Variants in RFTN2 observed in about 807,000 individuals in gnomAD.
RFTN2 encodes the protein raftlin family member 2.
RFTN2 carries 34 observed loss-of-function variants against 52.7 expected under a neutral mutation model. That is an observed-to-expected ratio of 0.64 (90% CI 0.49 to 0.86). The LOEUF (loss-of-function observed/expected upper bound fraction) is 0.86. RFTN2 is among the 40% of genes least tolerant of loss of function. The pLI, the probability that RFTN2 is intolerant of heterozygous loss-of-function variation, is 0.00. For synonymous variants in RFTN2, 203 were observed against 217.7 expected (o/e 0.93, Z 0.59); for missense variants, 536 against 600.1 (o/e 0.89, Z 1.12).
intron 8 of RFTN2, among the ~76,000 whole-genome samples, chr2:197,581,002 C>T (rs892811383): frequency 6.6e-6 from 1 of 152,122 alleles, no homozygotes; most frequent in African/African-American, 2.4e-5. Context: ...CCCAACTTAA[C>T]CCACAAGTAT....
At chr2:197,640,658 C>G (rs559946608) in intron 3 of RFTN2, among the ~76,000 whole-genome samples, 3 of 152,200 alleles carry the variant, frequency 2.0e-5, no homozygotes, top group Admixed American at 6.5e-5. Flanking sequence ...GAGATGAACC[C>G]GGTACCTCAG....
At chr2:197,639,726 T>C (rs1458639338) in intron 3 of RFTN2, among the ~76,000 whole-genome samples, 4 of 138,834 alleles carry the variant, frequency 2.9e-5, no homozygotes, top group African/African-American at 5.6e-5. Context: ...GTCTGAAGCC[T>C]TCTTCTCTCA....
At chr2:197,598,120 G>A (rs2087821124) in intron 7 of RFTN2, among the ~76,000 whole-genome samples, 1 of 152,058 alleles carries the variant, frequency 6.6e-6, no homozygotes, top group African/African-American at 2.4e-5. Context: ...TTTGAGACTA[G>A]TCTGGGAAAC....
Position 197,617,827 on chromosome 2 carries a change from G to T in RFTN2, c.1023C>A (p.Ile341=). 1 of 1,605,046 alleles carries T rather than the reference G, an allele frequency of 6.2e-7. No individual in the cohort carries two copies. Among genetic ancestry groups the T allele is most frequent in the Non-Finnish European group, 8.5e-7 (1 of 1,173,852 alleles). The change falls in exon 6 of 9, where the codon ATC becomes ATA. Residue 341 remains isoleucine, a synonymous_variant. Coordinates refer to ENST00000295049, the MANE Select transcript of RFTN2 (RefSeq NM_144629.3). ...CAATAACAGTCCATTGTTCTACTAC[G>T]ATGGCATCATTTCCTTTCCTACTAG... The part of the protein sequence containing the change: ...PGSSRKGNDA[I]VVEQWTVIEG...
intron 8 of RFTN2, among the ~76,000 whole-genome samples, chr2:197,582,337 G>A (rs996204062): frequency 6.6e-6 from 1 of 152,108 alleles, no homozygotes; most frequent in Admixed American, 6.5e-5. Flanking sequence ...ACTTCAATCT[G>A]GCCTCCCACA....
At chr2:197,637,230 G>A (rs1379726327) in intron 3 of RFTN2, among the ~76,000 whole-genome samples, 1 of 151,686 alleles carries the variant, frequency 6.6e-6, no homozygotes, top group Non-Finnish European at 1.5e-5. Context: ...GCCCGGCTTT[G>A]GTATCAGAAT....
intron 5 of RFTN2, among the ~76,000 whole-genome samples, chr2:197,622,198 A>G (rs1574715740): frequency 6.6e-6 from 1 of 152,242 alleles, no homozygotes; most frequent in Non-Finnish European, 1.5e-5. Flanking sequence ...ATAAAATTGC[A>G]AGGTGAAGGA....
At position 197,619,779 on chromosome 2, in the gene RFTN2, A is replaced by T. The variant is rs191876515; in HGVS notation, c.929-1858T>A. 1.3e-3 allele frequency among the ~76,000 whole-genome samples: 199 copies of T among 150,152 alleles called. 1 individual carries two copies. Among genetic ancestry groups the T allele is most frequent in the African/African-American group, 3.6e-3 (150 of 41,256 alleles). ...AATAATAACAATAATAAAATAAAAT[A>T]AAATTAAAAAAAAACATTTGTTTTG... On this transcript the variant is annotated intron_variant, in intron 5 of 8. Coordinates refer to ENST00000295049, the MANE Select transcript of RFTN2 (RefSeq NM_144629.3).
At chr2:197,584,132 G>A (rs1016293508) in intron 8 of RFTN2, among the ~76,000 whole-genome samples, 6 of 152,132 alleles carry the variant, frequency 3.9e-5, no homozygotes, top group Admixed American at 6.6e-5. Context: ...AATCCTTTGG[G>A]TATATACCCA....
At chr2:197,644,557 G>C (rs1574738185) in intron 2 of RFTN2, among the ~76,000 whole-genome samples, 1 of 152,166 alleles carries the variant, frequency 6.6e-6, no homozygotes, top group East Asian at 1.9e-4. Flanking sequence ...AATAATTTTA[G>C]ATTGTTGTTA....
intron 8 of RFTN2, among the ~76,000 whole-genome samples, chr2:197,593,196 G>A (rs1328995031): frequency 1.3e-5 from 2 of 151,976 alleles, no homozygotes; most frequent in African/African-American, 4.8e-5. Context: ...GAAATATAAA[G>A]ATTACCCAAA....
rs547537391 is a variant in RFTN2, at chr2:197,654,998, A to AAAAC, written c.140-8336_140-8333dup. Among the ~76,000 whole-genome samples the AAAAC allele has an allele frequency of 1.1e-3, 168 of 152,276 alleles. 1 individual carries two copies. The highest frequency in any genetic ancestry group is 3.7e-3 in the African/African-American group (153 of 41,560). ...GCCACAGAGCAAGACTCTGTCTCAA[A>AAAAC]AAACAAACAAACAAACAAGCAAACC... On this transcript the variant is annotated intron_variant, in intron 1 of 8. Coordinates refer to ENST00000295049, the MANE Select transcript of RFTN2 (RefSeq NM_144629.3).
chr2:197,628,127 C>T (rs2088399669), intron 5 of RFTN2, among the ~76,000 whole-genome samples: 3 of 152,070 alleles, frequency 2.0e-5, no homozygotes, highest in Admixed American at 2.0e-4. Flanking sequence ...CAATTCAGCC[C>T]TGCTTCCTCT....
At position 197,570,467 on chromosome 2, in the gene RFTN2, G is replaced by T. The variant is rs774031207; in HGVS notation, c.*1541C>A. The T allele has an allele frequency of 3.3e-5, 5 of 152,162 alleles. No individual in the cohort carries two copies. The highest frequency in any genetic ancestry group is 6.5e-5 in the Admixed American group (1 of 15,268). 9.4% of individuals were successfully genotyped at this position (152,162 alleles called of 1,614,324 possible). A position where few individuals can be genotyped will look rare whatever the true frequency, so the allele number is the denominator to read the frequency against. ...ATGAAGGCCAGGCATGGTGGCTCAC[G>T]CCTGTAATCCCAGCATTTTGGGAGG... On this transcript the variant is annotated 3_prime_UTR_variant, in exon 9 of 9. Coordinates refer to ENST00000295049, the MANE Select transcript of RFTN2 (RefSeq NM_144629.3).
chr2:197,616,274 A>ATTTATTTCATTTT (rs879732758), intron 6 of RFTN2, among the ~76,000 whole-genome samples: 2 of 116,588 alleles, frequency 1.7e-5, no homozygotes, highest in African/African-American at 6.2e-5. Flanking sequence ...TCTGCATTTT[A>ATTTATTTCATTTT]TTTTATTTTA....
At chr2:197,618,490 C>T (rs7561669) in intron 5 of RFTN2, among the ~76,000 whole-genome samples, 60,795 of 147,352 alleles carry the variant, frequency 0.41, 11,409 homozygotes, top group Middle Eastern at 0.53. Context: ...GAGATTGCAG[C>T]CTCTGCCCGG....
chr2:197,654,764 G>T (rs147465494), intron 1 of RFTN2, among the ~76,000 whole-genome samples: 1 of 152,100 alleles, frequency 6.6e-6, no homozygotes, highest in Non-Finnish European at 1.5e-5. Context: ...TTGGGAGGCC[G>T]CGGTGGGAGG....
chr2:197,674,338 G>GAAAAAAAA (rs2089186261), intron 1 of RFTN2, among the ~76,000 whole-genome samples: 3 of 10,842 alleles, frequency 2.8e-4, no homozygotes, highest in Admixed American at 8.1e-4. Flanking sequence ...CTAGAGCAAA[G>GAAAAAAAA]CAAAAAAAAA....
intron 5 of RFTN2, among the ~76,000 whole-genome samples, chr2:197,619,436 A>T (rs1382252401): frequency 1.3e-5 from 2 of 152,164 alleles, no homozygotes; most frequent in African/African-American, 4.8e-5. Flanking sequence ...TTGATTGGTG[A>T]CCTTACCCCC....
Sources: allele counts gnomAD v4.1 joint callset (sites outside exome capture counted in the v4.1 genomes callset), GRCh38; gene constraint gnomAD v4.1.1; transcripts MANE v1.5; gene names NCBI Gene and HGNC (gene_info 2026-07-23, HGNC 2026-07-21).